RBM17: variants seen among roughly 807,000 people sequenced by gnomAD.
The protein encoded by RBM17 is splicing factor 45.
A neutral mutation model predicts 53.2 loss-of-function variants in RBM17; 7 were observed. The observed-to-expected ratio is 0.13, with a 90% CI of 0.07 to 0.25. The LOEUF is 0.25. Among genes scored for constraint, RBM17 ranks in the 10% least tolerant of loss-of-function variants. The pLI, the probability that RBM17 is intolerant of heterozygous loss-of-function variation, is 1.00. For synonymous variants in RBM17, 167 were observed against 178.1 expected (o/e 0.94, Z 0.50); for missense variants, 257 against 496.7 (o/e 0.52, Z 4.59).
At chr10:6,102,218 A>G (rs2132945587) in intron 3 of RBM17, among the ~76,000 whole-genome samples, 1 of 152,370 alleles carries the variant, frequency 6.6e-6, no homozygotes, top group East Asian at 1.9e-4. Flanking sequence ...AAGATTAATA[A>G]TAGTGCTATC....
chr10:6,095,341 T>G (rs183390485), intron 1 of RBM17, among the ~76,000 whole-genome samples: 1 of 151,804 alleles, frequency 6.6e-6, no homozygotes, highest in Non-Finnish European at 1.5e-5. Flanking sequence ...CCCTCCGGAG[T>G]AGCTGGGATT....
rs1010585245 is a variant in RBM17, at chr10:6,108,797, A to G, written c.562+55A>G. 5 of 1,400,078 alleles carry G rather than the reference A, an allele frequency of 3.6e-6. No homozygotes were observed. The African/African-American group carries it at 4.3e-5, about 12-fold the overall frequency. The allele number at this position is 1,400,078 out of a possible 1,614,324, so 86.7% of individuals were successfully genotyped here. ...TCTGATACAGGTCTTTAACCCAACC[A>G]TGGGGGATCTCAGCTTGGGCCCCCA... is the stretch of plus-strand genomic sequence containing the variant. On this transcript the variant is annotated intron_variant, in intron 6 of 11. Coordinates refer to ENST00000379888, the MANE Select transcript of RBM17 (RefSeq NM_032905.5).
intron 1 of RBM17, among the ~76,000 whole-genome samples, chr10:6,093,076 C>T (rs761007585): frequency 1.3e-5 from 2 of 152,316 alleles, no homozygotes; most frequent in Middle Eastern, 6.8e-3. Context: ...ATCTAGTACA[C>T]TGCTAGATTT....
rs1226140070 is a variant in RBM17, at chr10:6,114,206, A to G, written c.1029+59A>G. ...AGTTGTAATTGGCACATTACAAAAC[A>G]TTTTCTACAAACAGGACAGGGTATG... On this transcript the variant is annotated intron_variant, in intron 10 of 11. Coordinates refer to ENST00000379888, the MANE Select transcript of RBM17 (RefSeq NM_032905.5). The G allele has an allele frequency of 1.4e-5, 14 of 1,000,188 alleles. No individual in the cohort carries two copies. The Admixed American group carries it at 2.7e-4, about 19-fold the overall frequency. The allele number at this position is 1,000,188 out of a possible 1,614,324, so 62.0% of individuals were successfully genotyped here.
Position 6,115,767 on chromosome 10 carries a change from T to C in RBM17, c.*211T>C, listed in dbSNP as rs1049026208. 2.6e-6 allele frequency: 1 copy of C among 391,178 alleles called. No homozygotes were observed. The highest frequency in any genetic ancestry group is 4.2e-5 in the Admixed American group (1 of 24,078). 24.2% of individuals were successfully genotyped at this position (391,178 alleles called of 1,614,324 possible). ...TTAAAAAAACAACAATCTGTGTGCC[T>C]CTCTGGTTGTTTCTCTTTTTTATTA... On this transcript the variant is annotated 3_prime_UTR_variant, in exon 12 of 12. Transcript: ENST00000379888.
chr10:6,096,983 A>T lies in RBM17; in HGVS notation c.-18-65A>T, dbSNP rs1840586853. The T allele has an allele frequency of 2.7e-6, 4 of 1,482,718 alleles. No homozygotes were observed. The South Asian group carries it at 3.7e-5, about 14-fold the overall frequency. The allele number at this position is 1,482,718 out of a possible 1,614,324, so 91.8% of individuals were successfully genotyped here. On this transcript the variant is annotated intron_variant, in intron 1 of 11. Transcript: ENST00000379888. Reference sequence around the variant, plus strand: ...TTACCTCTAAAATTTCATGATACTTATTTTAACATGAAAAGCCTTTATTGA... The same window carrying T: ...TTACCTCTAAAATTTCATGATACTTTTTTTAACATGAAAAGCCTTTATTGA...
chr10:6,090,290 AG>A (rs1258633825), intron 1 of RBM17, among the ~76,000 whole-genome samples: 4 of 152,370 alleles, frequency 2.6e-5, no homozygotes, highest in African/African-American at 4.8e-5. Context: ...TCCCCGCAGC[AG>A]ATGGAGTTTT....
chr10:6,093,671 G>A (rs932711960), intron 1 of RBM17, among the ~76,000 whole-genome samples: 3 of 152,094 alleles, frequency 2.0e-5, no homozygotes, highest in Non-Finnish European at 2.9e-5. Flanking sequence ...AAACACTTTC[G>A]GTAAAGTTCT....
Position 6,110,011 on chromosome 10 carries a change from G to A in RBM17, c.588G>A (p.Glu196=), listed in dbSNP as rs942122957. The A allele has an allele frequency of 1.9e-6, 3 of 1,610,902 alleles. No individual in the cohort carries two copies. The highest frequency in any genetic ancestry group is 1.3e-5 in the African/African-American group (1 of 74,920). The change falls in exon 7 of 12, where the codon GAG becomes GAA. Residue 196 remains glutamate (E), a synonymous_variant. Transcript: ENST00000379888. ...TACCCCGAGATTTTCCTTATGAAGAGGACTCAAGACCTCGATCACAGTCTT... is the reference window on the plus strand; with the variant it reads ...TACCCCGAGATTTTCCTTATGAAGAAGACTCAAGACCTCGATCACAGTCTT... ...KELPRDFPYE[E]DSRPRSQSSK...
chr10:6,108,184 G>C (rs1840783310), intron 5 of RBM17, among the ~76,000 whole-genome samples: 1 of 152,166 alleles, frequency 6.6e-6, no homozygotes, highest in South Asian at 2.1e-4. Context: ...CTGTGTGGTG[G>C]GGGAGATATG....
chr10:6,104,592 TATTC>T, intron 3 of RBM17, among the ~76,000 whole-genome samples: 1 of 152,336 alleles, frequency 6.6e-6, no homozygotes, highest in East Asian at 1.9e-4. Context: ...TAAAAACAAG[TATTC>T]AGTGCTTTAC....
chr10:6,110,227 GACCC>G lies in RBM17; in HGVS notation c.704+101_704+104del. The G allele has an allele frequency of 7.2e-6, 8 of 1,109,002 alleles. No individual in the cohort carries two copies. The South Asian group carries it at 1.6e-4, about 22-fold the overall frequency. The allele number at this position is 1,109,002 out of a possible 1,614,324, so 68.7% of individuals were successfully genotyped here. A position where few individuals can be genotyped will look rare whatever the true frequency, so the allele number is the denominator to read the frequency against. ...CTTGTTTGAAACTGAGGACATTCAG[GACCC>G]TTGGTGTGTGCAGGTCACACGGTAC... On this transcript the variant is annotated intron_variant, in intron 7 of 11. Transcript: ENST00000379888.
chr10:6,101,110 A>G (rs191243653), intron 2 of RBM17, among the ~76,000 whole-genome samples, 161 bp from the exon 3 acceptor site: 2 of 152,322 alleles, frequency 1.3e-5, no homozygotes, highest in African/African-American at 4.8e-5. Flanking sequence ...AGAAAATAAT[A>G]TATGATTATA....
chr10:6,112,463 G>A lies in RBM17; in HGVS notation c.856+102G>A, dbSNP rs1361198376. On this transcript the variant is annotated intron_variant, in intron 8 of 11. Transcript: ENST00000379888. This position sits in a 1 kb window ranked among gnomAD's most constrained non-coding sequence, Gnocchi z 4.4. ...TCATGTGTCAGCAGGGGGACAATGA[G>A]GCGTGTGGCCAGAGGGAGAGGGCTG... is the stretch of plus-strand genomic sequence containing the variant. 2 of 1,414,022 alleles carry A rather than the reference G, an allele frequency of 1.4e-6. No individual in the cohort carries two copies. The highest frequency in any genetic ancestry group is 2.4e-5 in the East Asian group (1 of 41,392). 87.6% of individuals were successfully genotyped at this position (1,414,022 alleles called of 1,614,324 possible).
At chr10:6,106,068 A>G (rs1333064422) in intron 4 of RBM17, 73 bp from the exon 5 acceptor site, 10 of 1,010,336 alleles carry the variant, frequency 9.9e-6, no homozygotes, top group Admixed American at 9.0e-5. Context: ...TCTGGTCAAG[A>G]GGAAGTCATC....
In RBM17 at chr10:6,093,670, C is replaced by T. The variant is rs180840646; in HGVS notation, c.-18-3378C>T. On this transcript the variant is annotated intron_variant, in intron 1 of 11. Coordinates refer to ENST00000379888, the MANE Select transcript of RBM17 (RefSeq NM_032905.5). ...GCACTAACGTATTCATAAACACTTT[C>T]GGTAAAGTTCTCAAGTTATAAAGAG... Among the ~76,000 whole-genome samples the T allele has an allele frequency of 3.9e-4, 60 of 152,248 alleles. No homozygotes were observed. The East Asian group carries it at 5.0e-3, about 13-fold the overall frequency.
At position 6,093,300 on chromosome 10, in the gene RBM17, G is replaced by A. The variant is rs143089637; in HGVS notation, c.-18-3748G>A. 3.1e-3 allele frequency among the ~76,000 whole-genome samples: 477 copies of A among 152,122 alleles called. 5 individuals are homozygous for A. The highest frequency in any genetic ancestry group is 0.011 in the African/African-American group (456 of 41,494). ...GCAATCTTGGCTCACTGCGACCTCC[G>A]CCTCCCGGGTTCAAGCAATTCTCCT... On this transcript the variant is annotated intron_variant, in intron 1 of 11. Transcript: ENST00000379888.
chr10:6,110,409 C>T (rs1263256152), intron 7 of RBM17, among the ~76,000 whole-genome samples: 1 of 152,128 alleles, frequency 6.6e-6, no homozygotes, highest in Non-Finnish European at 1.5e-5. Flanking sequence ...GCCTTCATAA[C>T]GTTTGCAAAT....
At chr10:6,094,259 C>G (rs1158858059) in intron 1 of RBM17, among the ~76,000 whole-genome samples, 1 of 152,024 alleles carries the variant, frequency 6.6e-6, no homozygotes, top group Non-Finnish European at 1.5e-5. Flanking sequence ...ATTAGAGGTG[C>G]GAGACACCGC....
Sources: gnomAD v4.1 joint callset for allele counts (sites outside exome capture counted in the v4.1 genomes callset) on GRCh38, gnomAD v4.1.1 for gene constraint, Gnocchi (gnomAD v3.1) non-coding constraint, MANE v1.5 for transcripts, NCBI Gene and HGNC (gene_info 2026-07-23, HGNC 2026-07-21) for gene names.